FUT9: variants seen among roughly 807,000 people sequenced by gnomAD.
FUT9 encodes 4-galactosyl-N-acetylglucosaminide 3-alpha-L-fucosyltransferase 9.
Under a neutral mutation model 29.7 loss-of-function variants are expected in FUT9, and 15 were observed. The observed-to-expected ratio is 0.51, with a 90% CI of 0.34 to 0.78. The LOEUF (loss-of-function observed/expected upper bound fraction) is 0.78. FUT9 is among the 30% of genes least tolerant of loss of function. The probability of loss-of-function intolerance (pLI) is 0.01; values close to 1 mark genes in which losing one functional copy is unlikely to be tolerated. For synonymous variants in FUT9, 169 were observed against 153.7 expected, an observed-to-expected ratio of 1.10 and a Z score of -0.74; for missense variants, 319 against 425.4, an observed-to-expected ratio of 0.75 and a Z score of 2.20.
intron 2 of FUT9, among the ~76,000 whole-genome samples, chr6:96,176,138 G>A (rs571526677): frequency 6.6e-6 from 1 of 152,116 alleles, no homozygotes; most frequent in Non-Finnish European, 1.5e-5. Context: ...TGGACCGAGA[G>A]TTACATGGCC....
chr6:96,124,780 A>G (rs1448312695), intron 2 of FUT9, among the ~76,000 whole-genome samples: 1 of 152,086 alleles, frequency 6.6e-6, no homozygotes. Context: ...TTCTTCCACC[A>G]TGCAAAAAAT....
intron 2 of FUT9, among the ~76,000 whole-genome samples, chr6:96,192,988 CT>C (rs2127989149): frequency 6.6e-6 from 1 of 151,888 alleles, no homozygotes; most frequent in East Asian, 1.9e-4. Flanking sequence ...GCTGGGAAAA[CT>C]GGCTAGCCAT....
intron 2 of FUT9, among the ~76,000 whole-genome samples, chr6:96,136,897 C>T (rs1582259707): frequency 6.6e-6 from 1 of 152,030 alleles, no homozygotes; most frequent in Non-Finnish European, 1.5e-5. Flanking sequence ...TTAAGAATAT[C>T]AACTTTTAAT....
intron 1 of FUT9, among the ~76,000 whole-genome samples, chr6:96,097,534 T>C (rs1771521649): frequency 6.6e-6 from 1 of 152,124 alleles, no homozygotes; most frequent in Non-Finnish European, 1.5e-5. Flanking sequence ...GAGGTAGATA[T>C]TATAGTCTGA....
intron 2 of FUT9, among the ~76,000 whole-genome samples, chr6:96,195,395 A>G (rs1403628776): frequency 6.6e-6 from 1 of 152,152 alleles, no homozygotes; most frequent in East Asian, 1.9e-4. Context: ...AATACCAGGG[A>G]TTATATATAA....
At chr6:96,115,262 T>G (rs1184093529) in intron 2 of FUT9, among the ~76,000 whole-genome samples, 2 of 152,214 alleles carry the variant, frequency 1.3e-5, no homozygotes, top group Non-Finnish European at 2.9e-5. Context: ...TGATATATTT[T>G]ATTTATTTAG....
At position 96,212,413 on chromosome 6, in the gene FUT9, CT is replaced by C. The variant is rs1469304228; in HGVS notation, c.*8179del. ...AGATTATCTGATTGTCTATGTAAACCTGGAAGTAGTCTACTTTTTAGATAAA... is the reference window on the plus strand; with the variant it reads ...AGATTATCTGATTGTCTATGTAAACCGGAAGTAGTCTACTTTTTAGATAAA... On this transcript the variant is annotated 3_prime_UTR_variant, in exon 3 of 3. Coordinates refer to ENST00000302103, the MANE Select transcript of FUT9 (RefSeq NM_006581.4). 2.4e-6 allele frequency: 1 copy of C among 411,992 alleles called. No homozygotes were observed. The highest frequency in any genetic ancestry group is 3.6e-5 in the East Asian group (1 of 28,028). 25.5% of individuals were successfully genotyped at this position (411,992 alleles called of 1,614,324 possible).
chr6:96,019,809 A>G (rs1439363013), intron 1 of FUT9, among the ~76,000 whole-genome samples: 2 of 152,242 alleles, frequency 1.3e-5, no homozygotes, highest in Non-Finnish European at 2.9e-5. Context: ...AGAAATATAG[A>G]GAACATTCCA....
intron 1 of FUT9, among the ~76,000 whole-genome samples, chr6:96,062,845 A>G (rs1393394411): frequency 2.0e-5 from 3 of 151,032 alleles, no homozygotes; most frequent in African/African-American, 7.3e-5. Context: ...ACAACAACAA[A>G]ACAACAAAAA....
intron 1 of FUT9, among the ~76,000 whole-genome samples, chr6:96,086,710 G>T (rs1222754371): frequency 6.6e-6 from 1 of 152,010 alleles, no homozygotes; most frequent in Non-Finnish European, 1.5e-5. Flanking sequence ...ATCTGGCTTT[G>T]ACCACAGAGT....
intron 1 of FUT9, among the ~76,000 whole-genome samples, chr6:96,104,323 C>T (rs1349666792): frequency 6.6e-6 from 1 of 152,056 alleles, no homozygotes. Flanking sequence ...AATGTTTTCA[C>T]TTTTAGAGTA....
chr6:96,023,007 A>T (rs1191370530), intron 1 of FUT9, among the ~76,000 whole-genome samples: 1 of 151,924 alleles, frequency 6.6e-6, no homozygotes, highest in Non-Finnish European at 1.5e-5. Flanking sequence ...CAGGTTAATT[A>T]GGGATGTGGG....
At chr6:96,185,200 T>C (rs1381543435) in intron 2 of FUT9, among the ~76,000 whole-genome samples, 1 of 151,994 alleles carries the variant, frequency 6.6e-6, no homozygotes, top group Non-Finnish European at 1.5e-5. Context: ...ACTCAAGCCA[T>C]CGTGTTTGTT....
At chr6:96,023,165 T>G (rs1770104181) in intron 1 of FUT9, among the ~76,000 whole-genome samples, 1 of 151,986 alleles carries the variant, frequency 6.6e-6, no homozygotes, top group African/African-American at 2.4e-5. Context: ...AATGCCCAAA[T>G]GTCCCAATAA....
At chr6:96,067,845 C>G (rs924632669) in intron 1 of FUT9, among the ~76,000 whole-genome samples, 3 of 151,906 alleles carry the variant, frequency 2.0e-5, no homozygotes, top group African/African-American at 7.3e-5. Flanking sequence ...AATTTTGTGC[C>G]TAAATATTCT....
At chr6:96,058,959 C>T (rs961281182) in intron 1 of FUT9, among the ~76,000 whole-genome samples, 5 of 152,128 alleles carry the variant, frequency 3.3e-5, no homozygotes, top group Non-Finnish European at 7.4e-5. Flanking sequence ...TGATGTATCA[C>T]TTTAGAAAAA....
intron 2 of FUT9, among the ~76,000 whole-genome samples, chr6:96,133,937 T>C (rs1483919473): frequency 1.3e-5 from 2 of 151,816 alleles, no homozygotes; most frequent in Non-Finnish European, 3.0e-5. Flanking sequence ...AGGATGTTAA[T>C]AGTTAAGGTA....
chr6:96,177,891 T>C (rs1286161955), intron 2 of FUT9, among the ~76,000 whole-genome samples: 1 of 152,212 alleles, frequency 6.6e-6, no homozygotes, highest in African/African-American at 2.4e-5. Context: ...AAATTATTAC[T>C]CTTCCATTAG....
chr6:96,123,608 A>C (rs1367710501), intron 2 of FUT9, among the ~76,000 whole-genome samples: 1 of 152,190 alleles, frequency 6.6e-6, no homozygotes, highest in African/African-American at 2.4e-5. Context: ...TGACTTGCAA[A>C]TGCATGTTCA....
Sources: gnomAD v4.1 joint callset for allele counts (sites outside exome capture counted in the v4.1 genomes callset) on GRCh38, gnomAD v4.1.1 for gene constraint, MANE v1.5 for transcripts, NCBI Gene and HGNC (gene_info 2026-07-23, HGNC 2026-07-21) for gene names.